PRKAR1B: variants seen among roughly 807,000 people sequenced by gnomAD.
The protein encoded by PRKAR1B is cAMP-dependent protein kinase type I-beta regulatory subunit.
A neutral mutation model predicts 46.5 loss-of-function variants in PRKAR1B; 22 were observed. The observed-to-expected ratio is 0.47, with a 90% CI of 0.34 to 0.68. The LOEUF (loss-of-function observed/expected upper bound fraction) is 0.68, where lower values mean the gene tolerates loss of function less well. Ranked by LOEUF, PRKAR1B falls within the 30% of genes least tolerant of loss-of-function variation. The pLI is 0.01. For synonymous variants in PRKAR1B, 259 were observed against 217.7 expected, an observed-to-expected ratio of 1.19 and a Z score of -1.67; for missense variants, 445 against 535.6, an observed-to-expected ratio of 0.83 and a Z score of 1.67.
In PRKAR1B at chr7:643,489, G is replaced by A. The variant is rs113772439; in HGVS notation, c.440+33740C>T. ...TGTAATCCCAGCACTTTGGGAGGCC[G>A]AGGCAGGCAGATCACCAGAGGTTGG... On this transcript the variant is annotated intron_variant, in intron 4 of 10. Coordinates refer to ENST00000537384, the MANE Select transcript of PRKAR1B (RefSeq NM_001164760.2). 5.9e-4 allele frequency among the ~76,000 whole-genome samples: 89 copies of A among 151,538 alleles called. 3 individuals carry two copies. Among genetic ancestry groups the A allele is most frequent in the African/African-American group, 2.1e-3 (86 of 40,906 alleles).
intron 9 of PRKAR1B, among the ~76,000 whole-genome samples, chr7:554,540 C>A (rs779969621): frequency 6.6e-6 from 1 of 152,198 alleles, no homozygotes; most frequent in African/African-American, 2.4e-5. Flanking sequence ...AGCAGAAAAC[C>A]CAAATTGAGG....
At chr7:656,279 T>C (rs1324629050) in intron 4 of PRKAR1B, among the ~76,000 whole-genome samples, 2 of 150,408 alleles carry the variant, frequency 1.3e-5, no homozygotes, top group Non-Finnish European at 3.0e-5. Flanking sequence ...AATGCATGGA[T>C]GGATGAATGA....
At chr7:615,835 A>AC (rs1446670641) in intron 4 of PRKAR1B, among the ~76,000 whole-genome samples, 10 of 151,226 alleles carry the variant, frequency 6.6e-5, no homozygotes, top group Admixed American at 6.6e-4. Context: ...CAAAAAAAAA[A>AC]AAAAAAAGAA....
chr7:694,178 G>A (rs776170217), intron 2 of PRKAR1B, among the ~76,000 whole-genome samples: 2 of 152,220 alleles, frequency 1.3e-5, no homozygotes, highest in East Asian at 1.9e-4. Context: ...CCAGCTACTC[G>A]GGGGGCTGAG....
At chr7:628,806 T>C (rs1457915279) in intron 4 of PRKAR1B, among the ~76,000 whole-genome samples, 1 of 150,546 alleles carries the variant, frequency 6.6e-6, no homozygotes, top group Non-Finnish European at 1.5e-5. Flanking sequence ...AGAAACCCTC[T>C]GAAATTCCTC....
chr7:582,682 G>C (rs141437457), intron 8 of PRKAR1B, among the ~76,000 whole-genome samples: 1 of 152,206 alleles, frequency 6.6e-6, no homozygotes, highest in African/African-American at 2.4e-5. Flanking sequence ...AGAGGGTCTC[G>C]CCCTTCATGG....
intron 4 of PRKAR1B, among the ~76,000 whole-genome samples, chr7:653,222 C>G (rs1785007434): frequency 6.6e-6 from 1 of 152,210 alleles, no homozygotes; most frequent in South Asian, 2.1e-4. Flanking sequence ...GTGTCTGAGG[C>G]TCTTTGGGGG....
chr7:607,008 T>A (rs1171353116), intron 5 of PRKAR1B, among the ~76,000 whole-genome samples: 1 of 152,128 alleles, frequency 6.6e-6, no homozygotes, highest in Non-Finnish European at 1.5e-5. Context: ...TCTATATATA[T>A]CCTTTTGAAA....
chr7:654,691 C>T (rs1005128355), intron 4 of PRKAR1B, among the ~76,000 whole-genome samples: 1 of 46,688 alleles, frequency 2.1e-5, no homozygotes, highest in South Asian at 4.2e-4. Context: ...CCATCCTCAT[C>T]ACCTTCACCA....
intron 2 of PRKAR1B, among the ~76,000 whole-genome samples, chr7:681,187 T>C (rs1349425379): frequency 6.6e-6 from 1 of 152,052 alleles, no homozygotes; most frequent in East Asian, 1.9e-4. Flanking sequence ...CCTGCTGCCT[T>C]CTGCTATGAT....
At chr7:613,104 G>A (rs62431456) in intron 4 of PRKAR1B, among the ~76,000 whole-genome samples, 83,619 of 151,704 alleles carry the variant, frequency 0.55, 24,255 homozygotes, top group South Asian at 0.8. Context: ...ATAGGGTGTC[G>A]ATGAAACTGT....
intron 7 of PRKAR1B, among the ~76,000 whole-genome samples, chr7:588,401 G>A (rs966871081): frequency 6.6e-6 from 1 of 152,282 alleles, no homozygotes; most frequent in African/African-American, 2.4e-5. Context: ...TTATGTTGCT[G>A]CTAATGGTGA....
At chr7:596,889 C>T (rs1462171618) in intron 6 of PRKAR1B, among the ~76,000 whole-genome samples, 1 of 152,280 alleles carries the variant, frequency 6.6e-6, no homozygotes. Context: ...CTACAGGCAG[C>T]GCCTGAGCTC....
intron 2 of PRKAR1B, among the ~76,000 whole-genome samples, chr7:707,385 T>A (rs962554999): frequency 6.6e-6 from 1 of 152,180 alleles, no homozygotes; most frequent in Non-Finnish European, 1.5e-5. Flanking sequence ...GGCAACCCTT[T>A]CGACAAAAAT....
chr7:723,735 T>C (rs1781154738), intron 1 of PRKAR1B, among the ~76,000 whole-genome samples: 2 of 152,152 alleles, frequency 1.3e-5, no homozygotes, highest in South Asian at 2.1e-4. Context: ...CAGTCTGCCA[T>C]GTTTTAGGAC....
Position 556,619 on chromosome 7 carries a change from C to CGG in PRKAR1B, c.892-5150_892-5149insCC, listed in dbSNP as rs758485788. 2.5e-3 allele frequency among the ~76,000 whole-genome samples: 385 copies of CGG among 152,320 alleles called. 2 individuals carry two copies. The highest frequency in any genetic ancestry group is 5.1e-3 in the Admixed American group (78 of 15,306). ...AAGGGGTCGGTCCCCGAGGCGTCCG[C>CGG]GTTCATCCCTCCCGGAAGGGGCTGT... is the stretch of plus-strand genomic sequence containing the variant. On this transcript the variant is annotated intron_variant, in intron 9 of 10. Transcript: ENST00000537384.
chr7:678,729 C>T (rs937027848), intron 3 of PRKAR1B, among the ~76,000 whole-genome samples: 2 of 152,224 alleles, frequency 1.3e-5, no homozygotes, highest in African/African-American at 2.4e-5. Context: ...CCTGTGCAGA[C>T]GTCTTTGAGA....
At chr7:692,321 A>T (rs1272303223) in intron 2 of PRKAR1B, among the ~76,000 whole-genome samples, 1 of 152,314 alleles carries the variant, frequency 6.6e-6, no homozygotes, top group South Asian at 2.1e-4. Flanking sequence ...AATCGATTGA[A>T]CCCAGGAGGT....
chr7:592,487 C>G (rs1003726097), intron 7 of PRKAR1B, among the ~76,000 whole-genome samples: 1 of 147,906 alleles, frequency 6.8e-6, no homozygotes, highest in Non-Finnish European at 1.5e-5. Flanking sequence ...CCGGCTGTGC[C>G]GAGTCACTCC....
Sources: gnomAD v4.1 joint callset for allele counts (sites outside exome capture counted in the v4.1 genomes callset) on GRCh38, gnomAD v4.1.1 for gene constraint, MANE v1.5 for transcripts, NCBI Gene and HGNC (gene_info 2026-07-23, HGNC 2026-07-21) for gene names.